Variants in CDK2AP1 observed in about 807,000 individuals in gnomAD.
The protein encoded by CDK2AP1 is cyclin dependent kinase 2 associated protein 1, also known as cyclin-dependent kinase 2-associated protein 1.
CDK2AP1 carries 10 observed loss-of-function variants against 14.1 expected under a neutral mutation model. The ratio of observed to expected loss-of-function variants is 0.71; its 90% CI spans 0.44 to 1.20. CDK2AP1 has a LOEUF of 1.20. CDK2AP1 is among the 50% of genes most tolerant of loss of function. The pLI, the probability that CDK2AP1 is intolerant of heterozygous loss-of-function variation, is 0.00. For missense variants in CDK2AP1, 102 were observed against 149.9 expected (o/e 0.68, Z 1.67); for synonymous variants, 59 against 59.8 (o/e 0.99, Z 0.06).
intron 1 of CDK2AP1, among the ~76,000 whole-genome samples, chr12:123,270,412 A>C (rs1048377765): frequency 6.6e-6 from 1 of 152,024 alleles, no homozygotes; most frequent in African/African-American, 2.4e-5. Context: ...TACGAGGTCA[A>C]CGTTTGCAAA....
At chr12:123,271,023 G>C in intron 1 of CDK2AP1, 1 of 936,742 alleles carries the variant, frequency 1.1e-6, no homozygotes, top group Non-Finnish European at 1.2e-6. Context: ...CGACCTCAGG[G>C]CCCCCGGCAG....
intron 1 of CDK2AP1, chr12:123,270,750 C>A: frequency 1.2e-6 from 1 of 831,594 alleles, no homozygotes; most frequent in Non-Finnish European, 1.5e-6. Flanking sequence ...CCCCTCCCGG[C>A]TTCTGCATCG....
In CDK2AP1 at chr12:123,267,146, C is replaced by A. The variant is rs142289402; in HGVS notation, c.153+39G>T. The stretch of plus-strand genomic sequence containing the variant: ...TCTGATGGTGGGAAGCATGTCTCCC[C>A]CTGGCCCTCCCACCATGCCATCACC... On this transcript the variant is annotated intron_variant, in intron 2 of 3. Transcript: ENST00000261692. The A allele has an allele frequency of 4.5e-5, 52 of 1,155,514 alleles. No homozygotes were observed. The Middle Eastern group carries it at 9.9e-4, about 22-fold the overall frequency. The allele number at this position is 1,155,514 out of a possible 1,614,324, so 71.6% of individuals were successfully genotyped here. A position where few individuals can be genotyped will look rare whatever the true frequency, so the allele number is the denominator to read the frequency against.
chr12:123,271,526 TGGC>T, intron 1 of CDK2AP1, 35 bp downstream of exon 1: 6 of 988,884 alleles, frequency 6.1e-6, no homozygotes, highest in Non-Finnish European at 7.2e-6. Flanking sequence ...ACCCCCAACT[TGGC>T]GGCGCTTGGG....
intron 1 of CDK2AP1, chr12:123,268,367 GC>G (rs2048319501): frequency 3.4e-6 from 1 of 292,128 alleles, no homozygotes; most frequent in South Asian, 1.3e-4. Context: ...AGCTGGGGGA[GC>G]CGGGAGGAGC....
intron 1 of CDK2AP1, chr12:123,267,904 G>A (rs1481090898): frequency 6.5e-6 from 1 of 154,440 alleles, no homozygotes; most frequent in Non-Finnish European, 1.4e-5. Flanking sequence ...CCAAAGAGGG[G>A]ACCAGACTCT....
In CDK2AP1 at chr12:123,265,815, C is replaced by T. The variant is rs1045711234; in HGVS notation, c.154-493G>A. Among the ~76,000 whole-genome samples the T allele has an allele frequency of 6.6e-6, 1 of 152,172 alleles. No individual in the cohort carries two copies. Among genetic ancestry groups the T allele is most frequent in the African/African-American group, 2.4e-5 (1 of 41,422 alleles). On this transcript the variant is annotated intron_variant, in intron 2 of 3. Coordinates refer to ENST00000261692, the MANE Select transcript of CDK2AP1 (RefSeq NM_004642.4). This position sits in a 1 kb window ranked among gnomAD's most constrained non-coding sequence, Gnocchi z 5.3. Reference sequence around the variant, plus strand: ...ACAAAAGAGTCCAAACAGCATTTCCCAGGATGCAGATGGATGGGAGGGCAC... The same window carrying T: ...ACAAAAGAGTCCAAACAGCATTTCCTAGGATGCAGATGGATGGGAGGGCAC...
rs965501267 is a variant in CDK2AP1, at chr12:123,261,034, G to A, written c.*702C>T. The A allele has an allele frequency of 7.2e-5, 11 of 152,410 alleles. No individual in the cohort carries two copies. Among genetic ancestry groups the A allele is most frequent in the Admixed American group, 5.2e-4 (8 of 15,270 alleles). The allele number at this position is 152,410 out of a possible 1,614,324, so 9.4% of individuals were successfully genotyped here. On this transcript the variant is annotated 3_prime_UTR_variant, in exon 4 of 4. Coordinates refer to ENST00000261692, the MANE Select transcript of CDK2AP1 (RefSeq NM_004642.4). ...ATGAAAATAAGCTTTATTACATCAA[G>A]TAATAAATACATACAAAGATGCAAA... is the stretch of plus-strand genomic sequence containing the variant.
At chr12:123,270,762 G>A in intron 1 of CDK2AP1, 1 of 894,840 alleles carries the variant, frequency 1.1e-6, no homozygotes, top group Non-Finnish European at 1.3e-6. Context: ...TCTGCATCGA[G>A]GGCCTTCCAG....
At chr12:123,268,191 C>T (rs2048317004) in intron 1 of CDK2AP1, 2 of 985,614 alleles carry the variant, frequency 2.0e-6, no homozygotes, top group Non-Finnish European at 1.2e-6. Flanking sequence ...GGCAGCTGCC[C>T]GCCTGCCGCC....
In CDK2AP1 at chr12:123,261,695, T is replaced by G. The variant is rs1328997961; in HGVS notation, c.*41A>C. The G allele has an allele frequency of 9.1e-6, 14 of 1,534,764 alleles. No individual in the cohort carries two copies. Among genetic ancestry groups the G allele is most frequent in the Non-Finnish European group, 1.2e-5 (13 of 1,107,472 alleles). ...AGGGGAGATGAACTGTAACTTCTCA[T>G]CTTGTAAAAAGATGGAAATCCTTCA... On this transcript the variant is annotated 3_prime_UTR_variant, in exon 4 of 4. Coordinates refer to ENST00000261692, the MANE Select transcript of CDK2AP1 (RefSeq NM_004642.4).
chr12:123,265,046 T>C lies in CDK2AP1; in HGVS notation c.280+150A>G. The C allele has an allele frequency of 8.9e-7, 1 of 1,125,232 alleles. No individual in the cohort carries two copies. The allele number at this position is 1,125,232 out of a possible 1,614,324, so 69.7% of individuals were successfully genotyped here. The stretch of plus-strand genomic sequence containing the variant: ...CCAGACCCATCGCCTGCCTGAGGCC[T>C]CCACCACAGACGGCAACTCTGTAAC... On this transcript the variant is annotated intron_variant, in intron 3 of 3. Coordinates refer to ENST00000261692, the MANE Select transcript of CDK2AP1 (RefSeq NM_004642.4). This position sits in a 1 kb window ranked among gnomAD's most constrained non-coding sequence, Gnocchi z 5.3.
intron 3 of CDK2AP1, among the ~76,000 whole-genome samples, chr12:123,264,181 G>T (rs1023171682): frequency 1.3e-5 from 2 of 151,834 alleles, no homozygotes; most frequent in African/African-American, 4.8e-5. Flanking sequence ...GTCCCAGGCC[G>T]GGCGTGGTGG....
upstream of CDK2AP1, chr12:123,271,969 C>A (rs2048358603): frequency 1.4e-5 from 2 of 146,884 alleles, no homozygotes; most frequent in Non-Finnish European, 1.5e-5. Context: ...CCGCAACTTG[C>A]CAAAGTTTGG....
At chr12:123,270,294 A>G (rs1392168822) in intron 1 of CDK2AP1, 18 of 471,700 alleles carry the variant, frequency 3.8e-5, no homozygotes, top group Non-Finnish European at 5.0e-5. Flanking sequence ...GAGCAATTCA[A>G]CTCTCCCTCC....
intron 2 of CDK2AP1, 36 bp downstream of exon 2, chr12:123,267,134 AGCATGTCTCCCCCTG>A (rs759118731): frequency 9.7e-7 from 1 of 1,030,002 alleles, no homozygotes; most frequent in Non-Finnish European, 1.5e-6. Context: ...GATGGTGGGA[AGCATGTCTCCCCCTG>A]GCCCTCCCAC....
intron 1 of CDK2AP1, among the ~76,000 whole-genome samples, chr12:123,270,557 T>A (rs554397969): frequency 3.9e-4 from 59 of 151,702 alleles, no homozygotes; most frequent in Non-Finnish European, 7.5e-4. Context: ...TCCGACCAAG[T>A]GTCAGAGAAG....
chr12:123,265,851 C>T lies in CDK2AP1; in HGVS notation c.154-529G>A, dbSNP rs901066776. Among the ~76,000 whole-genome samples the T allele has an allele frequency of 2.6e-5, 4 of 152,214 alleles. No individual in the cohort carries two copies. Among genetic ancestry groups the T allele is most frequent in the Admixed American group, 6.5e-5 (1 of 15,288 alleles). On this transcript the variant is annotated intron_variant, in intron 2 of 3. Coordinates refer to ENST00000261692, the MANE Select transcript of CDK2AP1 (RefSeq NM_004642.4). The surrounding 1 kb of genome is among the most constrained non-coding windows in gnomAD (Gnocchi z 5.3). ...TGGATGGGAGGGCACATCCCAGGTG[C>T]CAAGCCTCCAAGCCAGTGGGGAGAC...
At chr12:123,264,462 C>CAAAAAAAAAAAAAAAAAAAAAAA (rs1167157405) in intron 3 of CDK2AP1, among the ~76,000 whole-genome samples, 2 of 69,860 alleles carry the variant, frequency 2.9e-5, no homozygotes, top group African/African-American at 7.2e-5. Flanking sequence ...CTCCGTCTCC[C>CAAAAAAAAAAAAAAAAAAAAAAA]AAAAAAAAAA....
Sources: gnomAD v4.1 joint callset for allele counts (sites outside exome capture counted in the v4.1 genomes callset) on GRCh38, gnomAD v4.1.1 for gene constraint, Gnocchi (gnomAD v3.1) non-coding constraint, MANE v1.5 for transcripts, NCBI Gene and HGNC (gene_info 2026-07-23, HGNC 2026-07-21) for gene names.